Variants in NEU4 observed in about 807,000 individuals in gnomAD.
The protein encoded by NEU4 is sialidase-4.
A neutral mutation model predicts 9.9 loss-of-function variants in NEU4; 7 were observed. The ratio of observed to expected loss-of-function variants is 0.71; its 90% CI spans 0.40 to 1.33. The LOEUF (loss-of-function observed/expected upper bound fraction) is 1.33, where lower values mean the gene tolerates loss of function less well. NEU4 is among the 40% of genes most tolerant of loss of function. The pLI is 0.01. For synonymous variants in NEU4, 348 were observed against 316.9 expected (o/e 1.10, Z -1.04); for missense variants, 717 against 712.6 (o/e 1.01, Z -0.07).
At position 241,814,412 on chromosome 2, in the gene NEU4, C is replaced by T. The variant is rs1700229687; in HGVS notation, c.-3-70C>T. 8 of 1,477,472 alleles carry T rather than the reference C, an allele frequency of 5.4e-6. No individual in the cohort carries two copies. In the South Asian group the frequency reaches 7.2e-5, roughly 13 times the overall value. The allele number at this position is 1,477,472 out of a possible 1,614,324, so 91.5% of individuals were successfully genotyped here. A position where few individuals can be genotyped will look rare whatever the true frequency, so the allele number is the denominator to read the frequency against. The stretch of plus-strand genomic sequence containing the variant: ...GCACCTCCTGAGCGCATTCCCCAGT[C>T]CAGACCGGGAGCGAGTGTGGGGCTC... On this transcript the variant is annotated intron_variant, in intron 1 of 3. Transcript: ENST00000407683.
rs377673636 is a variant in NEU4, at chr2:241,816,862, G to T, written c.1269G>T (p.Ala423=). The change falls in exon 4 of 4, where the codon GCG becomes GCT. Residue 423 remains alanine (A), a synonymous_variant. Coordinates refer to ENST00000407683, the MANE Select transcript of NEU4 (RefSeq NM_001167600.3). ...GCCCCAGCGGCTACTCCGACCTGGC[G>T]TCCATCGGGCCGGCCCCTGAGGGGG... ...YEGPSGYSDL[A]SIGPAPEGGL... 3.4e-4 allele frequency: 547 copies of T among 1,612,124 alleles called. No individual in the cohort carries two copies. Among genetic ancestry groups the T allele is most frequent in the Non-Finnish European group, 4.3e-4 (505 of 1,179,744 alleles).
At position 241,815,951 on chromosome 2, in the gene NEU4, G is replaced by A. The variant is rs1157956949; in HGVS notation, c.458-100G>A. 4.9e-6 allele frequency: 6 copies of A among 1,217,128 alleles called. 1 individual carries two copies. Among genetic ancestry groups the A allele is most frequent in the Non-Finnish European group, 5.6e-6 (5 of 889,528 alleles). 75.4% of individuals were successfully genotyped at this position (1,217,128 alleles called of 1,614,324 possible). A position where few individuals can be genotyped will look rare whatever the true frequency, so the allele number is the denominator to read the frequency against. ...GGTCAGAGTGCGATGGTCCTAACCC[G>A]AGGCACCAGCCCCTCCTTCCCCGTC... On this transcript the variant is annotated intron_variant, in intron 3 of 3. Transcript: ENST00000407683.
In NEU4 at chr2:241,815,809, G is replaced by A. The variant is rs1011602307; in HGVS notation, c.458-242G>A. 2.0e-5 allele frequency: 12 copies of A among 595,684 alleles called. No individual in the cohort carries two copies. In the Admixed American group the frequency reaches 2.1e-4, roughly 10 times the overall value. The allele number at this position is 595,684 out of a possible 1,614,324, so 36.9% of individuals were successfully genotyped here. A position where few individuals can be genotyped will look rare whatever the true frequency, so the allele number is the denominator to read the frequency against. On this transcript the variant is annotated intron_variant, in intron 3 of 3. Transcript: ENST00000407683. ...CCTGCCCTCCGCTCTCTCTGTGTGGGCAGCGCTCACCAGCCTCCCTGGGTG... is the reference window on the plus strand; with the variant it reads ...CCTGCCCTCCGCTCTCTCTGTGTGGACAGCGCTCACCAGCCTCCCTGGGTG...
intron 1 of NEU4, chr2:241,811,568 T>A (rs928323823): frequency 9.9e-7 from 1 of 1,007,286 alleles, no homozygotes; most frequent in Non-Finnish European, 1.3e-6. Context: ...CCCCTCTGTC[T>A]GGGGGTGCTG....
At chr2:241,809,366 G>T (rs116586826) in intron 1 of NEU4, 92 bp downstream of exon 1, 30 of 647,254 alleles carry the variant, frequency 4.6e-5, no homozygotes, top group Middle Eastern at 3.0e-4. Flanking sequence ...CAGCCTGTCC[G>T]GGCTGTGCAT....
At chr2:241,809,464 C>T (rs1700044820) in intron 1 of NEU4, 190 bp downstream of exon 1, 10 of 354,950 alleles carry the variant, frequency 2.8e-5, no homozygotes, top group South Asian at 1.0e-4. Flanking sequence ...GGGGAGGGGG[C>T]ACGTCCCAGC....
intron 1 of NEU4, chr2:241,811,186 G>C (rs3749158): frequency 0.27 from 328,354 of 1,231,446 alleles, 44,790 homozygotes; most frequent in Middle Eastern, 0.32. Flanking sequence ...GCACCCCCGT[G>C]TCCTCAGCAC....
At chr2:241,811,281 C>T (rs1700104992) in intron 1 of NEU4, 1 of 1,283,482 alleles carries the variant, frequency 7.8e-7, no homozygotes, top group Non-Finnish European at 9.9e-7. Flanking sequence ...CATCTGCACC[C>T]CTGGCCCTGC....
Position 241,816,973 on chromosome 2 carries a change from C to T in NEU4, c.1380C>T (p.Val460=). 6.2e-7 allele frequency: 1 copy of T among 1,611,942 alleles called. No individual in the cohort carries two copies. The change falls in exon 4 of 4, where the codon GTC becomes GTT. Residue 460 remains valine, a synonymous_variant. Transcript: ENST00000407683. ...ISFCTFSLRE[V]LENVPASPKP... ...TTTGTACATTCTCCCTGCGTGAGGT[C>T]CTGGAGAACGTGCCCGCCAGCCCCA...
intron 1 of NEU4, chr2:241,813,234 C>T (rs1220490626): frequency 1.1e-5 from 8 of 745,600 alleles, no homozygotes; most frequent in Non-Finnish European, 1.3e-5. Context: ...CCCGCCTGAC[C>T]CGTGGGTGTG....
rs764199896 is a variant in NEU4 at position 241,814,575 on chromosome 2, C to A, written c.91C>A (p.Pro31Thr). Residue 31 changes from proline (P) to threonine (T), a missense_variant, in exon 2 of 4, where the codon CCC becomes ACC. Physicochemically the swap from Pro to Thr is conservative, Grantham distance 38. Coordinates refer to ENST00000407683, the MANE Select transcript of NEU4 (RefSeq NM_001167600.3). ...TYRVPSLLPVPPGPTLLAFVE... is the reference protein window; with the variant it reads ...TYRVPSLLPVTPGPTLLAFVE... ...CCGCGTGCCCTCGCTGCTCCCCGTG[C>A]CCCCCGGGCCCACCCTGCTGGCCTT... 8 of 1,612,058 alleles carry A rather than the reference C, an allele frequency of 5.0e-6. No homozygotes were observed. Among genetic ancestry groups the A allele is most frequent in the Non-Finnish European group, 5.9e-6 (7 of 1,179,732 alleles).
At position 241,815,155 on chromosome 2, in the gene NEU4, G is replaced by T. The variant is rs560435269; in HGVS notation, c.457+8G>T. The T allele has an allele frequency of 9.4e-5, 144 of 1,535,686 alleles. 2 individuals are homozygous for T. In the South Asian group the frequency reaches 1.7e-3, roughly 18 times the overall value. On this transcript the variant is annotated splice_region_variant and intron_variant, in intron 3 of 3. Transcript: ENST00000407683. ...TCGGTGGTGCCGTGCAGGGTAGGCG[G>T]GCAGGGTGCCGGTCTGGGTCCCTTT...
At chr2:241,811,426 C>A in intron 1 of NEU4, 1 of 1,564,464 alleles carries the variant, frequency 6.4e-7, no homozygotes, top group Non-Finnish European at 8.7e-7. Context: ...GAGGCAGCCA[C>A]CCATGATGAG....
At chr2:241,814,384 T>G in intron 1 of NEU4, 98 bp from the exon 2 acceptor site, 1 of 1,169,956 alleles carries the variant, frequency 8.5e-7, no homozygotes. Context: ...GCAGGAGCTG[T>G]CTGCACCTCC....
rs1335673916 is a variant in NEU4, at chr2:241,815,042, G to A, written c.352G>A (p.Gly118Arg). 6.3e-7 allele frequency: 1 copy of A among 1,596,846 alleles called. No homozygotes were observed. Among genetic ancestry groups the A allele is most frequent in the Non-Finnish European group, 8.5e-7 (1 of 1,177,146 alleles). Residue 118 changes from glycine to arginine, a missense_variant, in exon 3 of 4, where the codon GGA becomes AGA. By Grantham distance (125) the Gly-to-Arg change is moderately radical. Transcript: ENST00000407683. Reference sequence around the variant, plus strand: ...GCCTGAGGCCGTGCAGATCGCCACGGGAAGGAACGCCGCGCGCCTCTGCTG... The same window carrying A: ...GCCTGAGGCCGTGCAGATCGCCACGAGAAGGAACGCCGCGCGCCTCTGCTG... ...HTPEAVQIAT[G>R]RNAARLCCVA...
chr2:241,811,427 C>A, intron 1 of NEU4: 2 of 1,564,488 alleles, frequency 1.3e-6, no homozygotes, highest in African/African-American at 1.4e-5. Flanking sequence ...AGGCAGCCAC[C>A]CATGATGAGC....
chr2:241,814,705 C>A lies in NEU4; in HGVS notation c.201+20C>A. 1 of 1,535,508 alleles carries A rather than the reference C, an allele frequency of 6.5e-7. No homozygotes were observed. The highest frequency in any genetic ancestry group is 8.7e-7 in the Non-Finnish European group (1 of 1,143,612). ...GTGCGGGTGAGTGAGTGGCCGGGGG[C>A]TCTGTGTGGGTGTAGTGGCCGGATC... is the stretch of plus-strand genomic sequence containing the variant. On this transcript the variant is annotated intron_variant, in intron 2 of 3. Coordinates refer to ENST00000407683, the MANE Select transcript of NEU4 (RefSeq NM_001167600.3).
chr2:241,809,355 A>C, intron 1 of NEU4, 81 bp downstream of exon 1: 2 of 794,604 alleles, frequency 2.5e-6, no homozygotes, highest in Non-Finnish European at 3.6e-6. Context: ...AGTGTTGAGA[A>C]CAGCCTGTCC....
At chr2:241,811,166 G>A (rs1281011116) in intron 1 of NEU4, 9 of 1,227,034 alleles carry the variant, frequency 7.3e-6, no homozygotes, top group Non-Finnish European at 9.1e-6. Context: ...CACAGCCCTT[G>A]TTGGAGGGCG....
Sources: gnomAD v4.1 joint callset for allele counts on GRCh38, gnomAD v4.1.1 for gene constraint, MANE v1.5 for transcripts, NCBI Gene and HGNC (gene_info 2026-07-23, HGNC 2026-07-21) for gene names.